The following GRM7 variants were observed in gnomAD, a reference collection of about 807,000 sequenced individuals.
GRM7 encodes metabotropic glutamate receptor 7.
In GRM7, 35 loss-of-function variants were observed where a neutral mutation model predicts 84.5. The observed-to-expected ratio is 0.41, with a 90% CI of 0.32 to 0.55. The LOEUF (loss-of-function observed/expected upper bound fraction) is 0.55. GRM7 is among the 20% of genes least tolerant of loss of function. The probability of loss-of-function intolerance (pLI) is 0.19; values close to 1 mark genes in which losing one functional copy is unlikely to be tolerated. For missense variants in GRM7, 1,003 were observed against 1,194.6 expected (o/e 0.84, Z 2.36); for synonymous variants, 487 against 455.1 (o/e 1.07, Z -0.89).
intron 9 of GRM7, among the ~76,000 whole-genome samples, chr3:7,697,183 G>A (rs1370427364): frequency 6.6e-6 from 1 of 152,074 alleles, no homozygotes; most frequent in Non-Finnish European, 1.5e-5. Context: ...TTTGTGTCCA[G>A]AAGTATAAAA....
intron 1 of GRM7, among the ~76,000 whole-genome samples, chr3:6,882,255 T>C (rs1695540355): frequency 6.6e-6 from 1 of 152,196 alleles, no homozygotes; most frequent in Non-Finnish European, 1.5e-5. Context: ...TTTGTACAAA[T>C]ACTCTGAGCC....
At chr3:7,471,199 T>C (rs1161703534) in intron 7 of GRM7, among the ~76,000 whole-genome samples, 4 of 139,488 alleles carry the variant, frequency 2.9e-5, no homozygotes, top group Non-Finnish European at 4.6e-5. Flanking sequence ...TAGTTTTTTA[T>C]TGCTGCTGTA....
At chr3:7,707,529 T>C (rs1184691222) in intron 9 of GRM7, among the ~76,000 whole-genome samples, 1 of 152,182 alleles carries the variant, frequency 6.6e-6, no homozygotes, top group Non-Finnish European at 1.5e-5. Context: ...GACAGCACAA[T>C]CACCAAGAGC....
chr3:7,498,632 T>C (rs1699783248), intron 7 of GRM7, among the ~76,000 whole-genome samples: 1 of 152,314 alleles, frequency 6.6e-6, no homozygotes, highest in African/African-American at 2.4e-5. Context: ...AAGCACTTGA[T>C]CAGTGTGTGT....
chr3:7,229,751 A>ATTTTTTTTTT (rs1559514670), intron 2 of GRM7, among the ~76,000 whole-genome samples: 1 of 28,636 alleles, frequency 3.5e-5, no homozygotes, highest in African/African-American at 1.3e-4. Context: ...ATATATATAT[A>ATTTTTTTTTT]TATATATATT....
chr3:7,538,662 G>C (rs534744898), intron 7 of GRM7, among the ~76,000 whole-genome samples: 37 of 152,208 alleles, frequency 2.4e-4, no homozygotes, highest in Non-Finnish European at 4.3e-4. Context: ...GTGCCTGCAA[G>C]TTGTCTGAGT....
intron 2 of GRM7, among the ~76,000 whole-genome samples, chr3:7,285,346 C>T (rs1460633997): frequency 6.6e-6 from 1 of 152,114 alleles, no homozygotes; most frequent in Non-Finnish European, 1.5e-5. Context: ...ACAGACAGTG[C>T]ACCGTTTATT....
In GRM7 at chr3:7,388,623, G is replaced by A. The variant is rs76519975; in HGVS notation, c.1034-26400G>A. On this transcript the variant is annotated intron_variant, in intron 4 of 9. Transcript: ENST00000357716. ...TAGTACTGCTTCAATTTTATTACTCGTTGATCTGTTCGGGATTTCTGTTTA... is the reference window on the plus strand; with the variant it reads ...TAGTACTGCTTCAATTTTATTACTCATTGATCTGTTCGGGATTTCTGTTTA... Among the ~76,000 whole-genome samples the A allele has an allele frequency of 2.8e-3, 433 of 151,964 alleles. 2 individuals carry two copies. Among genetic ancestry groups the A allele is most frequent in the Non-Finnish European group, 4.0e-3 (269 of 67,916 alleles).
At chr3:7,155,154 A>G (rs1367345078) in intron 2 of GRM7, among the ~76,000 whole-genome samples, 1 of 152,100 alleles carries the variant, frequency 6.6e-6, no homozygotes, top group Non-Finnish European at 1.5e-5. Flanking sequence ...TGGTGCTCAA[A>G]TTTCGGTATC....
intron 8 of GRM7, among the ~76,000 whole-genome samples, chr3:7,678,866 C>G (rs1700244657): frequency 6.6e-6 from 1 of 152,124 alleles, no homozygotes; most frequent in African/African-American, 2.4e-5. Context: ...GGCTGTTTAA[C>G]CAGTGAGTTA....
intron 1 of GRM7, among the ~76,000 whole-genome samples, chr3:7,047,545 C>A (rs1297802385): frequency 6.6e-6 from 1 of 152,066 alleles, no homozygotes; most frequent in African/African-American, 2.4e-5. Context: ...TCAAAATAAA[C>A]TTCCAGGCCT....
In GRM7 at chr3:6,956,281, G is replaced by C. The variant is rs868073685; in HGVS notation, c.519+94374G>C. Among the ~76,000 whole-genome samples the C allele has an allele frequency of 4.6e-5, 7 of 152,280 alleles. No homozygotes were observed. In the South Asian group the frequency reaches 1.5e-3, roughly 32 times the overall value. On this transcript the variant is annotated intron_variant, in intron 1 of 9. Transcript: ENST00000357716. ...AAGTCTGAAGTCAACAGTCGAAAGG[G>C]GTTCTGATCTACAAATAATATTCTA...
At position 7,251,496 on chromosome 3, in the gene GRM7, G is replaced by A. The variant is rs115771135; in HGVS notation, c.737-47188G>A. On this transcript the variant is annotated intron_variant, in intron 2 of 9. Coordinates refer to ENST00000357716, the MANE Select transcript of GRM7 (RefSeq NM_000844.4). The stretch of plus-strand genomic sequence containing the variant: ...AAAATGCCATTCAGACTTCATATGC[G>A]TGAATCATTTGAATTAGTTCTATGA... 5.1e-3 allele frequency among the ~76,000 whole-genome samples: 779 copies of A among 152,130 alleles called. 5 individuals are homozygous for A. Among genetic ancestry groups the A allele is most frequent in the Non-Finnish European group, 9.2e-3 (624 of 67,984 alleles).
At chr3:7,559,536 A>T (rs891539252) in intron 7 of GRM7, among the ~76,000 whole-genome samples, 2 of 152,080 alleles carry the variant, frequency 1.3e-5, no homozygotes, top group African/African-American at 4.8e-5. Context: ...AACCCTTCTG[A>T]GAGAATCTTG....
chr3:7,518,565 T>G (rs1219439656), intron 7 of GRM7, among the ~76,000 whole-genome samples: 3 of 152,234 alleles, frequency 2.0e-5, no homozygotes, highest in Non-Finnish European at 4.4e-5. Context: ...GATATTAAAA[T>G]GCTTTTTTAA....
At chr3:7,240,127 T>G (rs868115185) in intron 2 of GRM7, among the ~76,000 whole-genome samples, 2 of 127,852 alleles carry the variant, frequency 1.6e-5, no homozygotes, top group Admixed American at 7.6e-5. Context: ...GAGGTTTTTT[T>G]TTTTTTTTTT....
At chr3:7,409,292 A>C (rs950723516) in intron 4 of GRM7, among the ~76,000 whole-genome samples, 1 of 152,144 alleles carries the variant, frequency 6.6e-6, no homozygotes, top group Non-Finnish European at 1.5e-5. Context: ...AAAAGTTTGT[A>C]TTTTTATTGA....
At chr3:7,679,308 CA>C (rs1390351841) in intron 8 of GRM7, among the ~76,000 whole-genome samples, 1 of 151,776 alleles carries the variant, frequency 6.6e-6, no homozygotes, top group African/African-American at 2.4e-5. Flanking sequence ...GACAGGGGAT[CA>C]GGGGGTCAGG....
chr3:7,691,463 G>T (rs1700797239), intron 9 of GRM7: 1 of 271,880 alleles, frequency 3.7e-6, no homozygotes, highest in East Asian at 9.6e-5. Context: ...TCACTTAATG[G>T]ATCTCTGATT....
Sources: gnomAD v4.1 joint callset for allele counts (sites outside exome capture counted in the v4.1 genomes callset) on GRCh38, gnomAD v4.1.1 for gene constraint, MANE v1.5 for transcripts, NCBI Gene and HGNC (gene_info 2026-07-23, HGNC 2026-07-21) for gene names.